The following CACNB4 variants were observed in gnomAD, a reference collection of about 807,000 sequenced individuals.
CACNB4 encodes the protein voltage-dependent L-type calcium channel subunit beta-4.
A neutral mutation model predicts 71.2 loss-of-function variants in CACNB4; 32 were observed. That is an observed-to-expected ratio of 0.45 (90% CI 0.34 to 0.60). The LOEUF is 0.60. Among genes scored for constraint, CACNB4 ranks in the 20% least tolerant of loss-of-function variants. The pLI is 0.01. For missense variants in CACNB4, 464 were observed against 647.9 expected (o/e 0.72, Z 3.08); for synonymous variants, 231 against 236.9 (o/e 0.97, Z 0.23).
intron 2 of CACNB4, among the ~76,000 whole-genome samples, chr2:152,064,786 C>T (rs1338819811): frequency 6.6e-6 from 1 of 152,098 alleles, no homozygotes; most frequent in African/African-American, 2.4e-5. Context: ...GACAGTTACC[C>T]AAAAACTGGT....
At chr2:151,889,025 T>C (rs552056654) in intron 2 of CACNB4, among the ~76,000 whole-genome samples, 1 of 152,316 alleles carries the variant, frequency 6.6e-6, no homozygotes, top group South Asian at 2.1e-4. Flanking sequence ...AATTTTAAAG[T>C]GTTACTGTCT....
At chr2:152,014,239 C>T (rs1683218332) in intron 2 of CACNB4, among the ~76,000 whole-genome samples, 1 of 151,566 alleles carries the variant, frequency 6.6e-6, no homozygotes, top group Non-Finnish European at 1.5e-5. Flanking sequence ...CCCAGCTACT[C>T]CAGAGGCTGA....
chr2:152,025,972 T>A (rs1371309055), intron 2 of CACNB4, among the ~76,000 whole-genome samples: 2 of 152,198 alleles, frequency 1.3e-5, no homozygotes, highest in African/African-American at 2.4e-5. Context: ...CCGTGTTTAG[T>A]AAAGAGGATG....
intron 2 of CACNB4, among the ~76,000 whole-genome samples, chr2:152,024,485 G>A (rs1022501242): frequency 6.6e-6 from 1 of 152,144 alleles, no homozygotes; most frequent in African/African-American, 2.4e-5. Context: ...CTTCCATAAA[G>A]CCTTTGCATA....
chr2:151,990,064 AT>A (rs1681621068), intron 2 of CACNB4, among the ~76,000 whole-genome samples: 1 of 152,098 alleles, frequency 6.6e-6, no homozygotes, highest in South Asian at 2.1e-4. Flanking sequence ...AGTCCCATAT[AT>A]CTTTCCATTT....
At chr2:151,956,806 T>C (rs1217160071) in intron 2 of CACNB4, among the ~76,000 whole-genome samples, 1 of 152,190 alleles carries the variant, frequency 6.6e-6, no homozygotes, top group African/African-American at 2.4e-5. Flanking sequence ...TTACAATCAA[T>C]ATAGCTGAGT....
chr2:151,841,557 C>T, intron 13 of CACNB4: 1 of 239,000 alleles, frequency 4.2e-6, no homozygotes, highest in East Asian at 1.4e-4. Flanking sequence ...CACTGCATTC[C>T]AGCCTGAACA....
chr2:151,993,806 G>A (rs560066862), intron 2 of CACNB4, among the ~76,000 whole-genome samples: 22 of 151,084 alleles, frequency 1.5e-4, no homozygotes, highest in Non-Finnish European at 2.7e-4. Context: ...CTTGTGATCC[G>A]CCCACCTCGG....
At chr2:151,919,610 CAG>C (rs1243752655) in intron 2 of CACNB4, among the ~76,000 whole-genome samples, 1 of 152,116 alleles carries the variant, frequency 6.6e-6, no homozygotes, top group Non-Finnish European at 1.5e-5. Flanking sequence ...TGTGATAGTC[CAG>C]AGAGAGAGCG....
At chr2:152,020,296 T>C (rs930257999) in intron 2 of CACNB4, among the ~76,000 whole-genome samples, 7 of 152,226 alleles carry the variant, frequency 4.6e-5, no homozygotes, top group African/African-American at 1.2e-4. Context: ...GTGGCATTCT[T>C]CCCCTATTCT....
chr2:152,093,238 G>A (rs145088821), intron 2 of CACNB4, among the ~76,000 whole-genome samples: 52 of 152,020 alleles, frequency 3.4e-4, no homozygotes, highest in African/African-American at 9.6e-4. Context: ...TTAAAATCAC[G>A]TGCCTCTAGA....
rs1684402708 is a variant in CACNB4, at chr2:152,033,574, C to T, written c.147+64756G>A. On this transcript the variant is annotated intron_variant, in intron 2 of 13. Coordinates refer to ENST00000539935, the MANE Select transcript of CACNB4 (RefSeq NM_000726.5). ...CTGTGATCTGGGTAAATACCATTTCCAAAAAGGAAACCGGCACCCAAACCT... is the reference window on the plus strand; with the variant it reads ...CTGTGATCTGGGTAAATACCATTTCTAAAAAGGAAACCGGCACCCAAACCT... 2.0e-5 allele frequency among the ~76,000 whole-genome samples: 3 copies of T among 152,150 alleles called. No homozygotes were observed. The South Asian group carries it at 6.2e-4, about 31-fold the overall frequency.
chr2:152,023,625 G>T (rs568304242), intron 2 of CACNB4, among the ~76,000 whole-genome samples: 12 of 152,158 alleles, frequency 7.9e-5, no homozygotes, highest in Middle Eastern at 3.4e-3. Flanking sequence ...AGTAGAGACA[G>T]GGTATCACCA....
chr2:152,042,935 G>A (rs560255481), intron 2 of CACNB4, among the ~76,000 whole-genome samples: 1 of 152,256 alleles, frequency 6.6e-6, no homozygotes, highest in South Asian at 2.1e-4. Context: ...AGAGGAGCGT[G>A]ACCTCTGCTC....
At chr2:152,012,865 A>ATT (rs1310771006) in intron 2 of CACNB4, among the ~76,000 whole-genome samples, 1 of 152,000 alleles carries the variant, frequency 6.6e-6, no homozygotes, top group African/African-American at 2.4e-5. Context: ...GTGGACAGTA[A>ATT]TGTCCCTGGC....
chr2:151,996,788 T>A (rs73013214), intron 2 of CACNB4, among the ~76,000 whole-genome samples: 2,479 of 152,260 alleles, frequency 0.016, 78 homozygotes, highest in African/African-American at 0.057. Flanking sequence ...TACCAGTTTC[T>A]AAAATCCTAG....
intron 2 of CACNB4, among the ~76,000 whole-genome samples, chr2:151,975,968 ACATAGCTCGGCT>A (rs1435412314): frequency 6.6e-6 from 1 of 152,232 alleles, no homozygotes; most frequent in Non-Finnish European, 1.5e-5. Context: ...GATAAACTGT[ACATAGCTCGGCT>A]CTTCTGTGGA....
chr2:152,019,670 A>C (rs1426820914), intron 2 of CACNB4, among the ~76,000 whole-genome samples: 2 of 152,222 alleles, frequency 1.3e-5, no homozygotes, highest in Non-Finnish European at 2.9e-5. Flanking sequence ...AATGGAAATA[A>C]AGGTTAAAAG....
rs142266867 is a variant in CACNB4 at position 151,894,998 on chromosome 2, T to C, written c.148-11628A>G. The stretch of plus-strand genomic sequence containing the variant: ...AATGACCATATTACCCAAAGCAATC[T>C]CCAGATTCACTGTAATCCCTGTCAA... On this transcript the variant is annotated intron_variant, in intron 2 of 13. Coordinates refer to ENST00000539935, the MANE Select transcript of CACNB4 (RefSeq NM_000726.5). Among the ~76,000 whole-genome samples, 380 of 151,914 alleles carry C rather than the reference T, an allele frequency of 2.5e-3. 4 individuals carry two copies. The highest frequency in any genetic ancestry group is 8.9e-3 in the African/African-American group (369 of 41,400).
Sources: allele counts gnomAD v4.1 joint callset (sites outside exome capture counted in the v4.1 genomes callset), GRCh38; gene constraint gnomAD v4.1.1; transcripts MANE v1.5; gene names NCBI Gene and HGNC (gene_info 2026-07-23, HGNC 2026-07-21).